The following NECAB1 variants were observed in gnomAD, a reference collection of about 807,000 sequenced individuals.
NECAB1 encodes the protein N-terminal EF-hand calcium-binding protein 1.
NECAB1 carries 29 observed loss-of-function variants against 57.5 expected under a neutral mutation model. The observed-to-expected ratio is 0.50, with a 90% CI of 0.38 to 0.69. NECAB1 has a LOEUF of 0.69. Ranked by LOEUF, NECAB1 falls within the 30% of genes least tolerant of loss-of-function variation. The pLI is 0.00. For synonymous variants in NECAB1, 142 were observed against 147.7 expected (o/e 0.96, Z 0.28); for missense variants, 372 against 413.8 (o/e 0.90, Z 0.88).
At chr8:90,940,171 G>A (rs1281763361) in intron 9 of NECAB1, 2 of 152,254 alleles carry the variant, frequency 1.3e-5, no homozygotes, top group Non-Finnish European at 2.9e-5. Context: ...TTAAAAACAA[G>A]CACCATCTGA....
intron 12 of NECAB1, among the ~76,000 whole-genome samples, chr8:90,952,406 C>T (rs1810939638): frequency 3.3e-5 from 5 of 152,010 alleles, no homozygotes; most frequent in Admixed American, 3.3e-4. Flanking sequence ...AGTGGAGTAT[C>T]AAGGAAACCA....
At chr8:90,837,847 G>A (rs1489860973) in intron 3 of NECAB1, among the ~76,000 whole-genome samples, 1 of 152,196 alleles carries the variant, frequency 6.6e-6, no homozygotes, top group African/African-American at 2.4e-5. Flanking sequence ...TGGACTGTAA[G>A]AGGTTTCCAG....
In NECAB1 at chr8:90,956,357, G is replaced by C. The variant is rs1174728686; in HGVS notation, c.*845G>C. On this transcript the variant is annotated 3_prime_UTR_variant, in exon 13 of 13. Transcript: ENST00000417640. Reference sequence around the variant, plus strand: ...TGTAAACAATGATTTCAAAATACTTGAAAAATAAAATTTTAACCCAAATGA... The same window carrying C: ...TGTAAACAATGATTTCAAAATACTTCAAAAATAAAATTTTAACCCAAATGA... The C allele has an allele frequency of 6.6e-6, 1 of 151,770 alleles. No homozygotes were observed. Among genetic ancestry groups the C allele is most frequent in the African/African-American group, 2.4e-5 (1 of 41,340 alleles). The allele number at this position is 151,770 out of a possible 1,614,324, so 9.4% of individuals were successfully genotyped here. A position where few individuals can be genotyped will look rare whatever the true frequency, so the allele number is the denominator to read the frequency against.
At chr8:90,912,770 A>T (rs1184593924) in intron 5 of NECAB1, among the ~76,000 whole-genome samples, 10 of 152,206 alleles carry the variant, frequency 6.6e-5, no homozygotes, top group Non-Finnish European at 7.3e-5. Context: ...GCCTGAGAAT[A>T]TTTAAAAGAA....
intron 2 of NECAB1, among the ~76,000 whole-genome samples, chr8:90,822,929 TTG>T (rs1433200892): frequency 6.6e-6 from 1 of 151,742 alleles, no homozygotes; most frequent in Non-Finnish European, 1.5e-5. Flanking sequence ...TCAGTCTGAT[TTG>T]TGTCCAGTTT....
At chr8:90,894,482 C>T (rs1471161182) in intron 5 of NECAB1, among the ~76,000 whole-genome samples, 1 of 152,164 alleles carries the variant, frequency 6.6e-6, no homozygotes, top group African/African-American at 2.4e-5. Context: ...TACTTGCTAG[C>T]ATATGCCCAA....
intron 5 of NECAB1, among the ~76,000 whole-genome samples, chr8:90,911,544 C>A (rs1809831263): frequency 6.6e-6 from 1 of 152,070 alleles, no homozygotes; most frequent in African/African-American, 2.4e-5. Flanking sequence ...CTTGACACTC[C>A]TCAAACACCA....
chr8:90,860,126 T>A (rs1378645700), intron 3 of NECAB1, among the ~76,000 whole-genome samples: 2 of 152,118 alleles, frequency 1.3e-5, no homozygotes, highest in East Asian at 3.9e-4. Flanking sequence ...GTTAAAATAA[T>A]CTGGGACCTT....
chr8:90,897,431 A>C (rs1809383043), intron 5 of NECAB1, among the ~76,000 whole-genome samples: 1 of 152,200 alleles, frequency 6.6e-6, no homozygotes, highest in Non-Finnish European at 1.5e-5. Context: ...TAATTACATG[A>C]CATATGCTAG....
Position 90,796,308 on chromosome 8 carries a change from C to T in NECAB1, c.99+4323C>T, listed in dbSNP as rs75570189. On this transcript the variant is annotated intron_variant, in intron 1 of 12. Coordinates refer to ENST00000417640, the MANE Select transcript of NECAB1 (RefSeq NM_022351.5). ...GCATTCTAATGGGAGAGACTCCTGC[C>T]GACCCTGTGTGGTGGGACTCCATGT... Among the ~76,000 whole-genome samples, 158 of 152,182 alleles carry T rather than the reference C, an allele frequency of 1.0e-3. 1 individual carries two copies. Among genetic ancestry groups the T allele is most frequent in the African/African-American group, 3.6e-3 (148 of 41,510 alleles).
At chr8:90,898,820 T>C (rs1809426507) in intron 5 of NECAB1, among the ~76,000 whole-genome samples, 1 of 152,236 alleles carries the variant, frequency 6.6e-6, no homozygotes, top group Admixed American at 6.5e-5. Flanking sequence ...CAATCTACTT[T>C]CCTCAGCTCT....
At chr8:90,898,888 C>T (rs541788149) in intron 5 of NECAB1, among the ~76,000 whole-genome samples, 5 of 152,278 alleles carry the variant, frequency 3.3e-5, no homozygotes, top group South Asian at 2.1e-4. Flanking sequence ...GTTCATGTGG[C>T]ACAAGTATTT....
chr8:90,934,203 G>T, intron 8 of NECAB1, 101 bp from the exon 9 acceptor site: 1 of 775,264 alleles, frequency 1.3e-6, no homozygotes, highest in Non-Finnish European at 2.0e-6. Flanking sequence ...AAGTTCTTTT[G>T]GTTCAATGTT....
chr8:90,958,737 A>G lies in NECAB1; in HGVS notation c.*3225A>G. 1 of 333,386 alleles carries G rather than the reference A, an allele frequency of 3.0e-6. No homozygotes were observed. Among genetic ancestry groups the G allele is most frequent in the South Asian group, 4.9e-5 (1 of 20,230 alleles). 20.7% of individuals were successfully genotyped at this position (333,386 alleles called of 1,614,324 possible). A position where few individuals can be genotyped will look rare whatever the true frequency, so the allele number is the denominator to read the frequency against. On this transcript the variant is annotated 3_prime_UTR_variant, in exon 13 of 13. Coordinates refer to ENST00000417640, the MANE Select transcript of NECAB1 (RefSeq NM_022351.5). ...AACAAAAAATTGCAAGTAGTATGCA[A>G]ATTATAAATATACAGTCTTCCCACT...
intron 10 of NECAB1, among the ~76,000 whole-genome samples, chr8:90,941,979 G>T (rs1810681088): frequency 6.6e-6 from 1 of 152,174 alleles, no homozygotes. Context: ...ATGTGTGTGT[G>T]TTTGTGTATG....
chr8:90,934,195 G>A, intron 8 of NECAB1, 109 bp from the exon 9 acceptor site: 1 of 727,598 alleles, frequency 1.4e-6, no homozygotes, highest in Non-Finnish European at 2.2e-6. Flanking sequence ...AGATAATGAA[G>A]TTCTTTTGGT....
chr8:90,895,137 CAG>C (rs990694611), intron 5 of NECAB1, among the ~76,000 whole-genome samples: 1 of 152,076 alleles, frequency 6.6e-6, no homozygotes, highest in Non-Finnish European at 1.5e-5. Flanking sequence ...CAAAAGTAAA[CAG>C]AAATTAATTC....
At chr8:90,859,953 G>A (rs1812866345) in intron 3 of NECAB1, among the ~76,000 whole-genome samples, 1 of 152,058 alleles carries the variant, frequency 6.6e-6, no homozygotes, top group South Asian at 2.1e-4. Context: ...CTCTCCTGAA[G>A]CCAAACTCCC....
At chr8:90,804,499 G>A (rs893679633) in intron 2 of NECAB1, among the ~76,000 whole-genome samples, 4 of 151,848 alleles carry the variant, frequency 2.6e-5, no homozygotes, top group East Asian at 1.9e-4. Context: ...TAGTACCACC[G>A]AGAGTAAATT....
Sources: allele counts gnomAD v4.1 joint callset (sites outside exome capture counted in the v4.1 genomes callset), GRCh38; gene constraint gnomAD v4.1.1; transcripts MANE v1.5; gene names NCBI Gene and HGNC (gene_info 2026-07-23, HGNC 2026-07-21).